The following ZNF385D variants were observed in gnomAD, a reference collection of about 807,000 sequenced individuals.
ZNF385D encodes zinc finger protein 385D.
ZNF385D carries 15 observed loss-of-function variants against 35.8 expected under a neutral mutation model. The ratio of observed to expected loss-of-function variants is 0.42; its 90% confidence interval spans 0.28 to 0.64. The LOEUF is 0.64. Among genes scored for constraint, ZNF385D ranks in the 30% least tolerant of loss-of-function variants. ZNF385D has a pLI of 0.23. For missense variants in ZNF385D, 474 were observed against 494.6 expected (o/e 0.96, Z 0.39); for synonymous variants, 212 against 186.8 (o/e 1.13, Z -1.10).
chr3:22,217,743 A>G (rs934272813), intron 2 of ZNF385D, among the ~76,000 whole-genome samples: 2 of 152,166 alleles, frequency 1.3e-5, no homozygotes, highest in African/African-American at 4.8e-5. Flanking sequence ...GGAGTAGAGA[A>G]CAATGAAAGC....
intron 2 of ZNF385D, among the ~76,000 whole-genome samples, chr3:22,290,058 T>A (rs554356450): frequency 2.0e-5 from 3 of 152,178 alleles, no homozygotes; most frequent in African/African-American, 4.8e-5. Context: ...CATGCCTATA[T>A]AGAACTGCTA....
At position 21,416,773 on chromosome 3, in the gene ZNF385D, G is replaced by A. The variant is rs141697200; in HGVS notation, c.*4441C>T. The A allele has an allele frequency of 2.0e-5, 3 of 152,252 alleles. No homozygotes were observed. In the East Asian group the frequency reaches 5.8e-4, roughly 29 times the overall value. The allele number at this position is 152,252 out of a possible 1,614,324, so 9.4% of individuals were successfully genotyped here. On this transcript the variant is annotated 3_prime_UTR_variant, in exon 8 of 8. Transcript: ENST00000281523. Reference sequence around the variant, plus strand: ...GATGGTCTTAATAAGGCAACCATTAGTTAAAATACATGCAAACGCAGGACA... The same window carrying A: ...GATGGTCTTAATAAGGCAACCATTAATTAAAATACATGCAAACGCAGGACA...
intron 2 of ZNF385D, among the ~76,000 whole-genome samples, chr3:22,172,720 A>G (rs1694546911): frequency 6.6e-6 from 1 of 152,212 alleles, no homozygotes; most frequent in East Asian, 1.9e-4. Context: ...TAATCAAAGC[A>G]ACATATTATT....
At chr3:22,307,746 T>TAAAAAAAAAA (rs35316599) in intron 2 of ZNF385D, among the ~76,000 whole-genome samples, 1 of 144,560 alleles carries the variant, frequency 6.9e-6, no homozygotes. Flanking sequence ...GCCTCTGTTT[T>TAAAAAAAAAA]AAAAAAAAAA....
intron 3 of ZNF385D, among the ~76,000 whole-genome samples, chr3:22,137,356 G>C (rs982766880): frequency 1.3e-5 from 2 of 152,102 alleles, no homozygotes; most frequent in African/African-American, 2.4e-5. Flanking sequence ...AAACATGGCA[G>C]AGACACAACA....
intron 2 of ZNF385D, among the ~76,000 whole-genome samples, chr3:21,592,197 C>G (rs1022914882): frequency 2.0e-5 from 3 of 152,098 alleles, no homozygotes; most frequent in Non-Finnish European, 4.4e-5. Context: ...CTTGACTTAT[C>G]TAAACCAAAC....
intron 3 of ZNF385D, among the ~76,000 whole-genome samples, chr3:21,769,358 C>G (rs1264539144): frequency 3.3e-5 from 4 of 122,024 alleles, no homozygotes; most frequent in Non-Finnish European, 6.7e-5. Flanking sequence ...CCCAAAATCT[C>G]CTTAAGCCGA....
chr3:22,232,826 T>G (rs1363975734), intron 2 of ZNF385D, among the ~76,000 whole-genome samples: 2 of 152,218 alleles, frequency 1.3e-5, no homozygotes, highest in Non-Finnish European at 2.9e-5. Flanking sequence ...CTAGGCCACC[T>G]GATTTACATT....
At chr3:21,895,470 G>A (rs1699086697) in intron 3 of ZNF385D, among the ~76,000 whole-genome samples, 2 of 151,344 alleles carry the variant, frequency 1.3e-5, no homozygotes, top group African/African-American at 4.9e-5. Context: ...GGGGACTACA[G>A]GCTCATAGCA....
chr3:21,964,426 A>AG (rs1397630565), intron 3 of ZNF385D, among the ~76,000 whole-genome samples: 3 of 91,318 alleles, frequency 3.3e-5, no homozygotes, highest in African/African-American at 7.4e-5. Flanking sequence ...AAAAAAAAAA[A>AG]AAAAAAGAAA....
chr3:22,179,715 AT>A (rs1695093344), intron 2 of ZNF385D, among the ~76,000 whole-genome samples: 1 of 152,096 alleles, frequency 6.6e-6, no homozygotes, highest in Non-Finnish European at 1.5e-5. Context: ...GAAGGCAGAA[AT>A]AAAGAAGTTC....
chr3:21,844,795 A>G (rs3843879), intron 3 of ZNF385D, among the ~76,000 whole-genome samples: 45,513 of 151,794 alleles, frequency 0.3, 7,125 homozygotes, highest in African/African-American at 0.36. Flanking sequence ...GGAAGGCAAA[A>G]AAATGATCAA....
chr3:21,468,176 G>A (rs698242), intron 4 of ZNF385D, among the ~76,000 whole-genome samples: 25 of 151,670 alleles, frequency 1.6e-4, no homozygotes, highest in African/African-American at 5.3e-4. Context: ...AGGCTGAGGC[G>A]GGCGGATCAC....
chr3:22,246,044 T>C (rs990215003), intron 2 of ZNF385D, among the ~76,000 whole-genome samples: 9 of 152,026 alleles, frequency 5.9e-5, no homozygotes, highest in Admixed American at 1.3e-4. Context: ...ACACACAACA[T>C]TTGGCCAGGA....
intron 2 of ZNF385D, among the ~76,000 whole-genome samples, chr3:22,204,709 A>G (rs904260113): frequency 1.3e-5 from 2 of 152,076 alleles, no homozygotes; most frequent in Non-Finnish European, 2.9e-5. Flanking sequence ...GAATTGAAAA[A>G]TGCAACTGAT....
chr3:21,660,508 T>C (rs1286748779), intron 2 of ZNF385D, among the ~76,000 whole-genome samples: 1 of 152,150 alleles, frequency 6.6e-6, no homozygotes, highest in East Asian at 1.9e-4. Context: ...GAACACATTC[T>C]CCAAAAGTAG....
chr3:21,794,069 A>G (rs564173869), intron 3 of ZNF385D, among the ~76,000 whole-genome samples: 5 of 152,182 alleles, frequency 3.3e-5, no homozygotes, highest in Non-Finnish European at 7.3e-5. Flanking sequence ...ATGACCAGGG[A>G]TGTAAAAAAC....
intron 1 of ZNF385D, among the ~76,000 whole-genome samples, chr3:21,736,552 C>A (rs181184174): frequency 1.5e-4 from 23 of 152,288 alleles, no homozygotes; most frequent in African/African-American, 5.5e-4. Context: ...GGTTTTGAAG[C>A]AGAAGGGTAA....
At chr3:21,881,880 G>C (rs538525581) in intron 3 of ZNF385D, among the ~76,000 whole-genome samples, 3 of 152,170 alleles carry the variant, frequency 2.0e-5, no homozygotes, top group Non-Finnish European at 4.4e-5. Flanking sequence ...GATTTCAGCA[G>C]AGGAAGTAAC....
Sources: allele counts gnomAD v4.1 joint callset (sites outside exome capture counted in the v4.1 genomes callset), GRCh38; gene constraint gnomAD v4.1.1; transcripts MANE v1.5; gene names NCBI Gene and HGNC (gene_info 2026-07-23, HGNC 2026-07-21).